CADM2: variants seen among roughly 807,000 people sequenced by gnomAD.
CADM2 encodes cell adhesion molecule 2, also known as immunoglobulin superfamily member 4D.
A neutral mutation model predicts 49.8 loss-of-function variants in CADM2; 12 were observed. The observed-to-expected ratio is 0.24, with a 90% CI of 0.15 to 0.39. The LOEUF is 0.39. Among genes scored for constraint, CADM2 ranks in the 10% least tolerant of loss-of-function variants. The pLI is 1.00. For synonymous variants in CADM2, 214 were observed against 175.4 expected, an observed-to-expected ratio of 1.22 and a Z score of -1.74; for missense variants, 378 against 492.3, an observed-to-expected ratio of 0.77 and a Z score of 2.20.
chr3:85,771,791 T>C (rs983814513), intron 2 of CADM2, among the ~76,000 whole-genome samples: 5 of 152,080 alleles, frequency 3.3e-5, no homozygotes, highest in Non-Finnish European at 7.4e-5. Flanking sequence ...TTTCTTCAAG[T>C]TCCATCTCTC....
At chr3:85,768,771 CAT>C (rs1188072747) in intron 2 of CADM2, among the ~76,000 whole-genome samples, 8 of 132,192 alleles carry the variant, frequency 6.1e-5, no homozygotes, top group Admixed American at 4.1e-4. Context: ...TATATATACA[CAT>C]ATATACATAT....
At chr3:86,020,418 A>G (rs1732985861) in intron 8 of CADM2, among the ~76,000 whole-genome samples, 2 of 152,064 alleles carry the variant, frequency 1.3e-5, no homozygotes, top group African/African-American at 2.4e-5. Flanking sequence ...ACAAGGAGGA[A>G]CTGGTACCAT....
intron 1 of CADM2, among the ~76,000 whole-genome samples, chr3:85,045,504 A>G (rs1178529191): frequency 6.6e-6 from 1 of 152,108 alleles, no homozygotes; most frequent in African/African-American, 2.4e-5. Flanking sequence ...ATTATTAGAA[A>G]TGGTATTTCT....
chr3:85,194,918 A>T (rs887899680), intron 1 of CADM2, among the ~76,000 whole-genome samples: 4 of 150,966 alleles, frequency 2.6e-5, no homozygotes, highest in South Asian at 4.2e-4. Context: ...ATTTTTGTTT[A>T]AAAAAAAATG....
intron 7 of CADM2, among the ~76,000 whole-genome samples, chr3:85,948,377 G>C (rs1275066886): frequency 6.6e-6 from 1 of 151,084 alleles, no homozygotes; most frequent in Non-Finnish European, 1.5e-5. Context: ...CCCTCTAGTA[G>C]TCACCAGTAC....
chr3:85,598,148 T>C (rs557956589), intron 1 of CADM2, among the ~76,000 whole-genome samples: 2 of 152,072 alleles, frequency 1.3e-5, no homozygotes, highest in East Asian at 3.9e-4. Flanking sequence ...ATTCCAGACA[T>C]TGTGCTAACT....
chr3:85,281,805 G>C (rs1353706248), intron 1 of CADM2, among the ~76,000 whole-genome samples: 1 of 151,996 alleles, frequency 6.6e-6, no homozygotes, highest in African/African-American at 2.4e-5. Context: ...CTCTCATTAT[G>C]CAAAAAGTCA....
chr3:84,965,885 G>A (rs957010318), intron 1 of CADM2, among the ~76,000 whole-genome samples: 9 of 152,230 alleles, frequency 5.9e-5, no homozygotes, highest in Non-Finnish European at 1.2e-4. Flanking sequence ...CATCAATAGA[G>A]AATGTTTCCT....
intron 1 of CADM2, among the ~76,000 whole-genome samples, chr3:85,021,116 C>CAAA (rs5850660): frequency 1.2e-5 from 1 of 85,996 alleles, no homozygotes; most frequent in African/African-American, 4.5e-5. Flanking sequence ...GACCCTGTCT[C>CAAA]AAAAAAAAAA....
intron 1 of CADM2, among the ~76,000 whole-genome samples, chr3:85,196,898 A>T (rs2041357654): frequency 1.3e-5 from 2 of 152,030 alleles, no homozygotes; most frequent in African/African-American, 4.8e-5. Flanking sequence ...GGTAGAAATC[A>T]GTTACTTCTT....
chr3:85,417,914 A>T (rs1402575949), intron 1 of CADM2, among the ~76,000 whole-genome samples: 1 of 152,142 alleles, frequency 6.6e-6, no homozygotes, highest in East Asian at 1.9e-4. Context: ...GAGATGCTGC[A>T]ATTTTGACAA....
At chr3:85,036,418 TA>T (rs1293620615) in intron 1 of CADM2, among the ~76,000 whole-genome samples, 2 of 152,216 alleles carry the variant, frequency 1.3e-5, no homozygotes, top group Non-Finnish European at 2.9e-5. Context: ...AATAAGCCTT[TA>T]AAAAATAACT....
chr3:85,145,945 C>G (rs1237293154), intron 1 of CADM2, among the ~76,000 whole-genome samples: 1 of 152,084 alleles, frequency 6.6e-6, no homozygotes, highest in East Asian at 1.9e-4. Flanking sequence ...AAAGAAAGTT[C>G]TTCCAGTTTG....
chr3:85,375,282 A>G (rs532730354), intron 1 of CADM2, among the ~76,000 whole-genome samples: 127 of 152,274 alleles, frequency 8.3e-4, no homozygotes, highest in African/African-American at 2.9e-3. Context: ...TTGAAGCCAA[A>G]TCTATTTGAT....
intron 1 of CADM2, among the ~76,000 whole-genome samples, chr3:85,112,356 A>AT (rs201365936): frequency 0.072 from 10,380 of 144,074 alleles, 397 homozygotes; most frequent in East Asian, 0.15. Context: ...AGAAACTGTC[A>AT]TTTTTTTTTT....
intron 1 of CADM2, among the ~76,000 whole-genome samples, chr3:85,016,866 T>C (rs777859409): frequency 6.6e-6 from 1 of 151,912 alleles, no homozygotes; most frequent in Non-Finnish European, 1.5e-5. Flanking sequence ...GACCACAATT[T>C]TGAATAGAAT....
At chr3:86,025,048 G>GT (rs3042362) in intron 8 of CADM2, among the ~76,000 whole-genome samples, 9,779 of 148,880 alleles carry the variant, frequency 0.066, 848 homozygotes, top group African/African-American at 0.19. Flanking sequence ...CTGACTAGTT[G>GT]TTTTTTTTTG....
chr3:85,921,689 G>T (rs1320393576), intron 6 of CADM2, among the ~76,000 whole-genome samples: 1 of 151,732 alleles, frequency 6.6e-6, no homozygotes, highest in Non-Finnish European at 1.5e-5. Context: ...TTTACATTAG[G>T]GTTCACTCTG....
intron 1 of CADM2, among the ~76,000 whole-genome samples, chr3:85,303,477 G>A (rs1403528355): frequency 6.6e-6 from 1 of 151,836 alleles, no homozygotes; most frequent in East Asian, 1.9e-4. Flanking sequence ...CAGCTGAATT[G>A]ATGAAATTGG....
Sources: allele counts gnomAD v4.1 joint callset (sites outside exome capture counted in the v4.1 genomes callset), GRCh38; gene constraint gnomAD v4.1.1; transcripts MANE v1.5; gene names NCBI Gene and HGNC (gene_info 2026-07-23, HGNC 2026-07-21).